The following MEX3C variants were observed in gnomAD, a reference collection of about 807,000 sequenced individuals.
MEX3C encodes the protein RNA-binding E3 ubiquitin-protein ligase MEX3C.
MEX3C carries 15 observed loss-of-function variants against 35.5 expected under a neutral mutation model. The ratio of observed to expected loss-of-function variants is 0.42; its 90% confidence interval spans 0.28 to 0.65. MEX3C has a LOEUF of 0.65. Ranked by LOEUF, MEX3C falls within the 30% of genes least tolerant of loss-of-function variation. The probability of loss-of-function intolerance (pLI) is 0.20; values close to 1 mark genes in which losing one functional copy is unlikely to be tolerated. For synonymous variants in MEX3C, 390 were observed against 352.8 expected (o/e 1.11, Z -1.18); for missense variants, 711 against 842.8 (o/e 0.84, Z 1.94).
At chr18:51,190,499 ATTTTC>A (rs927870291) in intron 1 of MEX3C, among the ~76,000 whole-genome samples, 4 of 151,970 alleles carry the variant, frequency 2.6e-5, no homozygotes, top group Non-Finnish European at 4.4e-5. Context: ...TCATTAAAGG[ATTTTC>A]TTTTATTATT....
chr18:51,177,113 A>C lies in MEX3C; in HGVS notation c.1218T>G (p.Asp406Glu). ...GNYIELNEEN[D>E]FHYNGTDVSF... is the part of the protein sequence containing the mutation. Reference sequence around the variant, plus strand: ...TTACATCGGTACCATTGTAATGGAAATCATTCTCTTCATTGAGCTCTATAT... The same window carrying C: ...TTACATCGGTACCATTGTAATGGAACTCATTCTCTTCATTGAGCTCTATAT... The change falls in exon 2 of 2, where the codon GAT (aspartate) becomes GAG (glutamate). Residue 406 changes from aspartate (D) to glutamate (E), a missense_variant. Asp to Glu is a conservative substitution (Grantham distance 45, BLOSUM62 2). Coordinates refer to ENST00000406189, the MANE Select transcript of MEX3C (RefSeq NM_016626.5). This position sits in a 1 kb window ranked among gnomAD's most constrained non-coding sequence, Gnocchi z 4.2. 1.2e-6 allele frequency: 2 copies of C among 1,601,810 alleles called. No homozygotes were observed. The highest frequency in any genetic ancestry group is 1.7e-6 in the Non-Finnish European group (2 of 1,168,906).
At chr18:51,183,803 C>T (rs987600872) in intron 1 of MEX3C, among the ~76,000 whole-genome samples, 13 of 151,936 alleles carry the variant, frequency 8.6e-5, no homozygotes, top group South Asian at 2.1e-4. Context: ...CATAGCAGGA[C>T]GCTGTTTCTA....
rs768638108 is a variant in MEX3C at position 51,193,238 on chromosome 18, G to C, written c.754+3329C>G. On this transcript the variant is annotated intron_variant, in intron 1 of 1. Transcript: ENST00000406189. ...TGTACAATAAAAAGAAGCTAGAGAC[G>C]ACTTTTCTAGACTATGTGGCTAGAG... is the stretch of plus-strand genomic sequence containing the variant. 1.2e-4 allele frequency: 19 copies of C among 152,052 alleles called. 1 individual carries two copies. The highest frequency in any genetic ancestry group is 2.8e-4 in the Non-Finnish European group (19 of 67,980). 9.4% of individuals were successfully genotyped at this position (152,052 alleles called of 1,614,324 possible). A position where few individuals can be genotyped will look rare whatever the true frequency, so the allele number is the denominator to read the frequency against.
rs1210982712 is a variant in MEX3C, at chr18:51,175,227, TATA to T, written c.*1121_*1123del. 1 of 152,552 alleles carries T rather than the reference TATA, an allele frequency of 6.6e-6. No homozygotes were observed. The highest frequency in any genetic ancestry group is 1.5e-5 in the Non-Finnish European group (1 of 68,000). 9.4% of individuals were successfully genotyped at this position (152,552 alleles called of 1,614,324 possible). A position where few individuals can be genotyped will look rare whatever the true frequency, so the allele number is the denominator to read the frequency against. On this transcript the variant is annotated 3_prime_UTR_variant, in exon 2 of 2. Transcript: ENST00000406189. ...AATAATTAGTAGAAAAACCCACTAG[TATA>T]ATGTTTTGTCCTTTCAATGCCAGCA...
chr18:51,197,648 C>T lies in MEX3C; in HGVS notation c.-328G>A, dbSNP rs899882386. ...CTTAACCAGCCCCCGGCGCGCGCGG[C>T]GGCGGCGGCTACGCCCCACGCCGCT... On this transcript the variant is annotated 5_prime_UTR_variant, in exon 1 of 2. Coordinates refer to ENST00000406189, the MANE Select transcript of MEX3C (RefSeq NM_016626.5). Among the ~76,000 whole-genome samples the T allele has an allele frequency of 6.6e-6, 1 of 150,680 alleles. No homozygotes were observed. The highest frequency in any genetic ancestry group is 1.5e-5 in the Non-Finnish European group (1 of 67,618).
At position 51,176,253 on chromosome 18, in the gene MEX3C, G is replaced by T; in HGVS notation, c.*98C>A. 1 of 1,199,366 alleles carries T rather than the reference G, an allele frequency of 8.3e-7. No homozygotes were observed. 74.3% of individuals were successfully genotyped at this position (1,199,366 alleles called of 1,614,324 possible). A position where few individuals can be genotyped will look rare whatever the true frequency, so the allele number is the denominator to read the frequency against. On this transcript the variant is annotated 3_prime_UTR_variant, in exon 2 of 2. Coordinates refer to ENST00000406189, the MANE Select transcript of MEX3C (RefSeq NM_016626.5). The stretch of plus-strand genomic sequence containing the variant: ...CTAATCCCAATAAAGCCTGATAACA[G>T]TCATAAGAAATCATTAGGAAGTTTA...
At chr18:51,186,017 C>T (rs369516429) in intron 1 of MEX3C, among the ~76,000 whole-genome samples, 15 of 152,252 alleles carry the variant, frequency 9.9e-5, no homozygotes, top group African/African-American at 2.9e-4. Flanking sequence ...TGGTTTGGTA[C>T]GTGATACACA....
At chr18:51,184,009 A>T (rs868152959) in intron 1 of MEX3C, among the ~76,000 whole-genome samples, 47 of 149,478 alleles carry the variant, frequency 3.1e-4, no homozygotes, top group African/African-American at 4.2e-4. Context: ...TCTTAAAAAA[A>T]TTTTTTTTTT....
intron 1 of MEX3C, among the ~76,000 whole-genome samples, chr18:51,184,197 C>T (rs1912486462): frequency 6.6e-6 from 1 of 152,056 alleles, no homozygotes; most frequent in African/African-American, 2.4e-5. Flanking sequence ...TCCTGCAACA[C>T]CCACCTCCCA....
At chr18:51,181,168 A>G (rs777352512) in intron 1 of MEX3C, among the ~76,000 whole-genome samples, 1 of 152,238 alleles carries the variant, frequency 6.6e-6, no homozygotes, top group Non-Finnish European at 1.5e-5. Flanking sequence ...AATAAAATTC[A>G]GAAGCCGTAT....
chr18:51,184,884 A>C (rs1912505360), intron 1 of MEX3C, among the ~76,000 whole-genome samples: 1 of 151,910 alleles, frequency 6.6e-6, no homozygotes, highest in African/African-American at 2.4e-5. Context: ...AAAAATTAAG[A>C]AGCAGTTTTC....
rs555240849 is a variant in MEX3C at position 51,188,642 on chromosome 18, G to C, written c.754+7925C>G. On this transcript the variant is annotated intron_variant, in intron 1 of 1. Coordinates refer to ENST00000406189, the MANE Select transcript of MEX3C (RefSeq NM_016626.5). Reference sequence around the variant, plus strand: ...AAAAATGCTGGGAATAAAGGCAAGAGGGAAGAAAACCCCAATTAAAACAAT... The same window carrying C: ...AAAAATGCTGGGAATAAAGGCAAGACGGAAGAAAACCCCAATTAAAACAAT... 6.6e-4 allele frequency among the ~76,000 whole-genome samples: 100 copies of C among 151,738 alleles called. 3 individuals carry two copies. The South Asian group carries it at 0.019, about 29-fold the overall frequency.
chr18:51,190,087 C>A (rs1912622323), intron 1 of MEX3C, among the ~76,000 whole-genome samples: 1 of 152,082 alleles, frequency 6.6e-6, no homozygotes. Flanking sequence ...TTGATCCTCA[C>A]AACAAATGAG....
chr18:51,196,968 G>A lies in MEX3C; in HGVS notation c.353C>T (p.Ala118Val), dbSNP rs768884201. The A allele has an allele frequency of 3.2e-6, 5 of 1,540,994 alleles. No individual in the cohort carries two copies. Among genetic ancestry groups the A allele is most frequent in the East Asian group, 2.5e-5 (1 of 40,188 alleles). The change falls in exon 1 of 2, where the codon GCG becomes GTG. Residue 118 changes from alanine (A) to valine (V), a missense_variant. By Grantham distance (64) the Ala-to-Val change is moderately conservative. Around this residue, in one of 4 missense-constraint regions of MEX3C, gnomAD observed 354 missense variants for 311.6 expected, o/e 1.14. Coordinates refer to ENST00000406189, the MANE Select transcript of MEX3C (RefSeq NM_016626.5). ...LEEDEEEGEEAELDGDLLEEE... is the reference protein window; with the variant it reads ...LEEDEEEGEEVELDGDLLEEE... ...CTCCAGCAGGTCTCCGTCCAGCTCCGCTTCCTCCCCCTCCTCCTCGTCCTC... is the reference window on the plus strand; with the variant it reads ...CTCCAGCAGGTCTCCGTCCAGCTCCACTTCCTCCCCCTCCTCCTCGTCCTC...
Position 51,176,164 on chromosome 18 carries a change from CAA to C in MEX3C, c.*185_*186del, listed in dbSNP as rs1458427971. On this transcript the variant is annotated 3_prime_UTR_variant, in exon 2 of 2. Coordinates refer to ENST00000406189, the MANE Select transcript of MEX3C (RefSeq NM_016626.5). Reference sequence around the variant, plus strand: ...TAATAATTCAAACCAAACTAATAGACAAGAGACCACTTAGGTTTAGTGTTACC... The same window carrying C: ...TAATAATTCAAACCAAACTAATAGACGAGACCACTTAGGTTTAGTGTTACC... 1.8e-6 allele frequency: 1 copy of C among 561,484 alleles called. No homozygotes were observed. The highest frequency in any genetic ancestry group is 3.0e-6 in the Non-Finnish European group (1 of 330,812). 34.8% of individuals were successfully genotyped at this position (561,484 alleles called of 1,614,324 possible). A position where few individuals can be genotyped will look rare whatever the true frequency, so the allele number is the denominator to read the frequency against.
chr18:51,197,306 GC>G lies in MEX3C; in HGVS notation c.14del (p.Ser5ThrfsTer44). On this transcript the variant is annotated frameshift_variant, in exon 1 of 2. Coordinates refer to ENST00000406189, the MANE Select transcript of MEX3C (RefSeq NM_016626.5). LOFTEE classifies it high-confidence loss of function. The part of the protein sequence containing the change: MPSG[S>X]SAALALAAAP... The stretch of plus-strand genomic sequence containing the variant: ...CCGCCGCCAGGGCCAGGGCCGCGGA[GC>G]TGCCGCTGGGCATCGCGGCGGCGCG... The G allele has an allele frequency of 1.7e-6, 1 of 584,946 alleles. No individual in the cohort carries two copies. Among genetic ancestry groups the G allele is most frequent in the Non-Finnish European group, 2.1e-6 (1 of 466,150 alleles). 36.2% of individuals were successfully genotyped at this position (584,946 alleles called of 1,614,324 possible).
At chr18:51,187,231 T>A (rs1335003319) in intron 1 of MEX3C, among the ~76,000 whole-genome samples, 1 of 152,184 alleles carries the variant, frequency 6.6e-6, no homozygotes, top group Non-Finnish European at 1.5e-5. Flanking sequence ...CTGAGTTATC[T>A]GAATAACAAA....
At chr18:51,194,024 G>T (rs1477750414) in intron 1 of MEX3C, 1 of 152,220 alleles carries the variant, frequency 6.6e-6, no homozygotes, top group African/African-American at 2.4e-5. Context: ...TCTTAAGGAT[G>T]AAAGTTTAGC....
chr18:51,175,822 A>G lies in MEX3C; in HGVS notation c.*529T>C, dbSNP rs1912289108. ...TCAGCCCTATCATTACCAATAAGTAATCACAATGCATTAAAAAGTTACTTG... is the reference window on the plus strand; with the variant it reads ...TCAGCCCTATCATTACCAATAAGTAGTCACAATGCATTAAAAAGTTACTTG... On this transcript the variant is annotated 3_prime_UTR_variant, in exon 2 of 2. Coordinates refer to ENST00000406189, the MANE Select transcript of MEX3C (RefSeq NM_016626.5). The G allele has an allele frequency of 6.5e-6, 1 of 152,780 alleles. No individual in the cohort carries two copies. Among genetic ancestry groups the G allele is most frequent in the South Asian group, 2.1e-4 (1 of 4,842 alleles). 9.5% of individuals were successfully genotyped at this position (152,780 alleles called of 1,614,324 possible). A position where few individuals can be genotyped will look rare whatever the true frequency, so the allele number is the denominator to read the frequency against.
Sources: allele counts gnomAD v4.1 joint callset (sites outside exome capture counted in the v4.1 genomes callset), GRCh38; gene constraint gnomAD v4.1.1; regional missense constraint gnomAD v4.1.1; non-coding constraint Gnocchi (gnomAD v3.1); transcripts MANE v1.5; gene names NCBI Gene and HGNC (gene_info 2026-07-23, HGNC 2026-07-21).